PHC3: variants seen among roughly 807,000 people sequenced by gnomAD.
The protein encoded by PHC3 is polyhomeotic homolog 3.
Under a neutral mutation model 107.4 loss-of-function variants are expected in PHC3, and 13 were observed. The ratio of observed to expected loss-of-function variants is 0.12; its 90% CI spans 0.08 to 0.19. The LOEUF (loss-of-function observed/expected upper bound fraction) is 0.19, where lower values mean the gene tolerates loss of function less well. PHC3 is among the 10% of genes least tolerant of loss of function. The probability of loss-of-function intolerance (pLI) is 1.00; values close to 1 mark genes in which losing one functional copy is unlikely to be tolerated. For synonymous variants in PHC3, 456 were observed against 427.4 expected, an observed-to-expected ratio of 1.07 and a Z score of -0.83; for missense variants, 992 against 1,210.9, an observed-to-expected ratio of 0.82 and a Z score of 2.68.
At position 170,097,840 on chromosome 3, in the gene PHC3, A is replaced by C. The variant is rs1470745365; in HGVS notation, c.2834-456T>G. On this transcript the variant is annotated intron_variant, in intron 14 of 14. Coordinates refer to ENST00000495893, the MANE Select transcript of PHC3 (RefSeq NM_024947.4). The surrounding 1 kb of genome is among the most constrained non-coding windows in gnomAD (Gnocchi z 4.1). The stretch of plus-strand genomic sequence containing the variant: ...ATAACAATCTAGAAATATTTTCTCA[A>C]GTAAGTACCACTTTCATTATCATTT... 1.3e-5 allele frequency among the ~76,000 whole-genome samples: 2 copies of C among 152,228 alleles called. No homozygotes were observed. Among genetic ancestry groups the C allele is most frequent in the African/African-American group, 2.4e-5 (1 of 41,460 alleles).
rs762319943 is a variant in PHC3, at chr3:170,136,647, G to A, written c.691C>T (p.Arg231Cys). The A allele has an allele frequency of 3.5e-5, 57 of 1,613,216 alleles. No individual in the cohort carries two copies. Among genetic ancestry groups the A allele is most frequent in the Non-Finnish European group, 4.5e-5 (53 of 1,179,584 alleles). ...GATAATACACCCAACTTCTGGCTGC[G>A]TAATGTTAAATTCTGAACCTAAGAA... ...AATQVQNLTLRSQKLGVLSSS... is the reference protein window; with the variant it reads ...AATQVQNLTLCSQKLGVLSSS... The change falls in exon 7 of 15, where the codon CGC becomes TGC. Residue 231 changes from arginine to cysteine, a missense_variant. By Grantham distance (180) the Arg-to-Cys change is radical (BLOSUM62 -3). This residue lies in a region of PHC3 where 543 missense variants were observed against 590.8 expected (regional missense o/e 0.92). Coordinates refer to ENST00000495893, the MANE Select transcript of PHC3 (RefSeq NM_024947.4).
chr3:170,168,753 C>CAA (rs59152470), intron 4 of PHC3, among the ~76,000 whole-genome samples: 891 of 76,256 alleles, frequency 0.012, 14 homozygotes, highest in African/African-American at 0.02. Flanking sequence ...GACTCCGTCT[C>CAA]AAAAAAAAAA....
Position 170,089,923 on chromosome 3 carries a change from AAAAAAG to A in PHC3, c.*7301_*7306del, listed in dbSNP as rs1158310975. ...CAGAGCGAACCCATCTCAAAAAAAAAAAAAAGAAAAAAAAAAAAAAAGAAAGAAAGT... is the reference window on the plus strand; with the variant it reads ...CAGAGCGAACCCATCTCAAAAAAAAAAAAAAAAAAAAAAAAGAAAGAAAGT... On this transcript the variant is annotated 3_prime_UTR_variant, in exon 15 of 15. Coordinates refer to ENST00000495893, the MANE Select transcript of PHC3 (RefSeq NM_024947.4). The A allele has an allele frequency of 4.7e-5, 7 of 149,146 alleles. No individual in the cohort carries two copies. Among genetic ancestry groups the A allele is most frequent in the African/African-American group, 1.5e-4 (6 of 39,574 alleles). The allele number at this position is 149,146 out of a possible 1,614,324, so 9.2% of individuals were successfully genotyped here. A position where few individuals can be genotyped will look rare whatever the true frequency, so the allele number is the denominator to read the frequency against.
intron 12 of PHC3, among the ~76,000 whole-genome samples, chr3:170,106,241 AT>A (rs966012355): frequency 2.0e-5 from 3 of 152,182 alleles, no homozygotes; most frequent in Non-Finnish European, 4.4e-5. Flanking sequence ...AAACAAAAAA[AT>A]ACTACTTATC....
chr3:170,155,919 A>C (rs1412702185), intron 4 of PHC3, among the ~76,000 whole-genome samples: 1 of 152,132 alleles, frequency 6.6e-6, no homozygotes, highest in Non-Finnish European at 1.5e-5. Flanking sequence ...CTTTTTTTAA[A>C]GTTTTTAACT....
intron 14 of PHC3, among the ~76,000 whole-genome samples, chr3:170,098,715 T>C (rs1162660272): frequency 5.3e-5 from 8 of 152,234 alleles, no homozygotes; most frequent in Non-Finnish European, 1.2e-4. Context: ...GCTTATTTCT[T>C]TTCTCACGTC....
chr3:170,106,995 T>G, intron 11 of PHC3, 49 bp from the exon 12 acceptor site: 5 of 1,395,634 alleles, frequency 3.6e-6, no homozygotes, highest in Non-Finnish European at 4.9e-6. Context: ...AATTTAATTA[T>G]GCAAATTTTC....
intron 7 of PHC3, 100 bp from the exon 8 acceptor site, chr3:170,129,652 C>A: frequency 2.6e-6 from 3 of 1,163,876 alleles, no homozygotes; most frequent in Non-Finnish European, 2.4e-6. Flanking sequence ...AGGTCATAAT[C>A]ATCAGAATTC....
Position 170,136,528 on chromosome 3 carries a change from G to A in PHC3, c.810C>T (p.Ser270=), listed in dbSNP as rs774773961. ...TACTTTCTGGAGAAGGATCTCGTTG[G>A]CTGATTTTAGAACTGGTCACTGTTG... ...NKTTVTSSKI[S]QRDPSPESNK... is the part of the protein sequence containing the mutation. The change falls in exon 7 of 15, where the codon AGC becomes AGT. Residue 270 remains serine (S), a synonymous_variant. Coordinates refer to ENST00000495893, the MANE Select transcript of PHC3 (RefSeq NM_024947.4). 3 of 1,609,752 alleles carry A rather than the reference G, an allele frequency of 1.9e-6. No homozygotes were observed. In the South Asian group the frequency reaches 3.3e-5, roughly 18 times the overall value.
intron 4 of PHC3, among the ~76,000 whole-genome samples, chr3:170,151,716 A>C (rs1354673307): frequency 6.6e-6 from 1 of 152,204 alleles, no homozygotes; most frequent in Admixed American, 6.5e-5. Flanking sequence ...AACAGCAAAG[A>C]AGCTTGCATC....
In PHC3 at chr3:170,102,558, A is replaced by C; in HGVS notation, c.2754T>G (p.Ser918Arg). Reference sequence around the variant, plus strand: ...CTGTTTGTGCAACTGGTAGCAAGTCACTGTTCTCAGGCATTTTCCGAATTC... The same window carrying C: ...CTGTTTGTGCAACTGGTAGCAAGTCCCTGTTCTCAGGCATTTTCCGAATTC... ...DVRIRKMPEN[S>R]DLLPVAQTEP... Residue 918 changes from serine to arginine, a missense_variant, in exon 14 of 15, where the codon AGT becomes AGG. Coordinates refer to ENST00000495893, the MANE Select transcript of PHC3 (RefSeq NM_024947.4). 6.2e-7 allele frequency: 1 copy of C among 1,613,900 alleles called. No homozygotes were observed.
At chr3:170,149,386 C>T (rs1485069561) in intron 4 of PHC3, 142 bp from the exon 5 acceptor site, 16 of 663,924 alleles carry the variant, frequency 2.4e-5, no homozygotes, top group Non-Finnish European at 3.3e-5. Context: ...CTTTGACAGA[C>T]CCCCTCATTT....
At chr3:170,166,383 TAA>T (rs1728748797) in intron 4 of PHC3, among the ~76,000 whole-genome samples, 1 of 152,088 alleles carries the variant, frequency 6.6e-6, no homozygotes. Context: ...ATAACCAAAA[TAA>T]ATAAGTTAAA....
intron 10 of PHC3, among the ~76,000 whole-genome samples, chr3:170,116,050 A>G (rs1048403053): frequency 3.3e-5 from 5 of 152,206 alleles, no homozygotes; most frequent in Non-Finnish European, 7.3e-5. Context: ...TATATTTTCT[A>G]AGGAAAAATG....
chr3:170,146,884 T>TC (rs1725058073), intron 5 of PHC3, among the ~76,000 whole-genome samples: 1 of 143,412 alleles, frequency 7.0e-6, no homozygotes, highest in African/African-American at 2.7e-5. Flanking sequence ...TTTCTTTTTT[T>TC]TTTTTTTTTT....
chr3:170,123,356 TACAC>T (rs3980601), intron 8 of PHC3, among the ~76,000 whole-genome samples: 1 of 149,820 alleles, frequency 6.7e-6, no homozygotes, highest in Non-Finnish European at 1.5e-5. Context: ...TTGAAATGCA[TACAC>T]ACACACACAC....
intron 4 of PHC3, among the ~76,000 whole-genome samples, chr3:170,166,965 C>T (rs991773823): frequency 5.9e-5 from 9 of 152,114 alleles, no homozygotes; most frequent in Non-Finnish European, 1.2e-4. Context: ...GGGGCATGTA[C>T]GTTTTAAAGT....
At chr3:170,115,046 G>A (rs1257757480) in intron 10 of PHC3, among the ~76,000 whole-genome samples, 1 of 152,008 alleles carries the variant, frequency 6.6e-6, no homozygotes, top group Non-Finnish European at 1.5e-5. Flanking sequence ...TCAGCAATAC[G>A]TATCAAGAGT....
Position 170,129,245 on chromosome 3 carries a change from C to G in PHC3, c.1227G>C (p.Val409=). The G allele has an allele frequency of 2.5e-6, 4 of 1,613,640 alleles. No homozygotes were observed. Among genetic ancestry groups the G allele is most frequent in the Non-Finnish European group, 3.4e-6 (4 of 1,179,650 alleles). Residue 409 remains valine, a synonymous_variant, in exon 8 of 15, where the codon GTG becomes GTC. Transcript: ENST00000495893. ...NQSQSAQQSV[V]VSPPPPHSPS... is the part of the protein sequence containing the mutation. Reference sequence around the variant, plus strand: ...GTGAATGAGGTGGTGGAGGAGACACCACTACAGACTGCTGTGCTGACTGTG... The same window carrying G: ...GTGAATGAGGTGGTGGAGGAGACACGACTACAGACTGCTGTGCTGACTGTG...
Sources: gnomAD v4.1 joint callset for allele counts (sites outside exome capture counted in the v4.1 genomes callset) on GRCh38, gnomAD v4.1.1 for gene constraint, gnomAD v4.1.1 regional missense constraint, Gnocchi (gnomAD v3.1) non-coding constraint, MANE v1.5 for transcripts, NCBI Gene and HGNC (gene_info 2026-07-23, HGNC 2026-07-21) for gene names.